Variants in IGF2R observed in about 807,000 individuals in gnomAD.
The protein encoded by IGF2R is cation-independent mannose-6-phosphate receptor.
IGF2R carries 91 observed loss-of-function variants against 270.6 expected under a neutral mutation model. That is an observed-to-expected ratio of 0.34 (90% CI 0.28 to 0.40). The LOEUF is 0.40. IGF2R is among the 10% of genes least tolerant of loss of function. IGF2R has a pLI of 1.00. For synonymous variants in IGF2R, 1,316 were observed against 1,258.9 expected, an observed-to-expected ratio of 1.05 and a Z score of -0.96; for missense variants, 2,805 against 3,188.3, an observed-to-expected ratio of 0.88 and a Z score of 2.90.
intron 1 of IGF2R, among the ~76,000 whole-genome samples, chr6:159,983,827 A>G (rs1783840285): frequency 6.6e-6 from 1 of 152,236 alleles, no homozygotes; most frequent in South Asian, 2.1e-4. Flanking sequence ...TTACATAGAA[A>G]TAGCAAGGAC....
intron 1 of IGF2R, among the ~76,000 whole-genome samples, chr6:159,990,190 T>A (rs1215143366): frequency 1.3e-5 from 2 of 152,346 alleles, no homozygotes; most frequent in East Asian, 1.9e-4. Flanking sequence ...AGGCTATTAC[T>A]ATCTTATATT....
At chr6:160,055,438 C>A (rs1467385892) in intron 19 of IGF2R, among the ~76,000 whole-genome samples, 1 of 152,168 alleles carries the variant, frequency 6.6e-6, no homozygotes, top group Admixed American at 6.5e-5. Flanking sequence ...AATACACTCA[C>A]TGAAGGAAGA....
intron 41 of IGF2R, among the ~76,000 whole-genome samples, chr6:160,086,648 A>G (rs1273943715): frequency 6.6e-6 from 1 of 152,170 alleles, no homozygotes; most frequent in Non-Finnish European, 1.5e-5. Context: ...AATTTTCCGT[A>G]AAACAGTGGA....
chr6:160,069,421 C>T (rs1016038570), intron 30 of IGF2R, among the ~76,000 whole-genome samples: 1 of 152,080 alleles, frequency 6.6e-6, no homozygotes, highest in Non-Finnish European at 1.5e-5. Context: ...TGGCTGTACC[C>T]CTGTGGCATG....
Position 160,076,484 on chromosome 6 carries a change from A to G in IGF2R, c.5316+488A>G, listed in dbSNP as rs150006598. On this transcript the variant is annotated intron_variant, in intron 36 of 47. Transcript: ENST00000356956. ...TCCATTTTATGTGCATTAAAAAAAGAATACCAGCTTCCATTATAATGAGTT... is the reference window on the plus strand; with the variant it reads ...TCCATTTTATGTGCATTAAAAAAAGGATACCAGCTTCCATTATAATGAGTT... 3.3e-5 allele frequency among the ~76,000 whole-genome samples: 5 copies of G among 152,300 alleles called. No individual in the cohort carries two copies. In the East Asian group the frequency reaches 9.7e-4, roughly 29 times the overall value.
chr6:160,040,478 G>C, intron 10 of IGF2R, 82 bp from the exon 11 acceptor site: 1 of 1,230,744 alleles, frequency 8.1e-7, no homozygotes, highest in Non-Finnish European at 1.2e-6. Context: ...CATTGGTCCT[G>C]TTCAGTTTCT....
Position 160,071,853 on chromosome 6 carries a change from T to A in IGF2R, c.4444-57T>A, listed in dbSNP as rs1297589793. ...AGCTTCCACTTGTAAGTTGAAATCA[T>A]GATAGACATGGAGTTTTTGCGTGAT... On this transcript the variant is annotated intron_variant, in intron 31 of 47. Coordinates refer to ENST00000356956, the MANE Select transcript of IGF2R (RefSeq NM_000876.4). The A allele has an allele frequency of 1.9e-6, 3 of 1,595,116 alleles. No homozygotes were observed. In the African/African-American group the frequency reaches 4.0e-5, roughly 21 times the overall value.
At chr6:160,010,655 G>T (rs963229795) in intron 3 of IGF2R, 32 bp from the exon 4 acceptor site, 34 of 1,217,900 alleles carry the variant, frequency 2.8e-5, no homozygotes, top group Non-Finnish European at 4.0e-5. Context: ...GTGTGGTATG[G>T]TAACATTATA....
chr6:160,070,970 G>A lies in IGF2R; in HGVS notation c.4443+912G>A, dbSNP rs187737743. 4.0e-3 allele frequency among the ~76,000 whole-genome samples: 614 copies of A among 152,330 alleles called. 3 individuals carry two copies. Among genetic ancestry groups the A allele is most frequent in the African/African-American group, 0.013 (526 of 41,580 alleles). On this transcript the variant is annotated intron_variant, in intron 31 of 47. Transcript: ENST00000356956. The stretch of plus-strand genomic sequence containing the variant: ...TCTGTGACCTGAGAGGCTCATGGCC[G>A]AGGACAAAAGGGCTGCCCCACATGT...
chr6:159,995,119 TG>T (rs1458556174), intron 2 of IGF2R, among the ~76,000 whole-genome samples: 5 of 152,182 alleles, frequency 3.3e-5, no homozygotes, highest in Admixed American at 2.6e-4. Flanking sequence ...CTGAGTGCTT[TG>T]GTGTGGGGTG....
chr6:160,060,585 G>A lies in IGF2R; in HGVS notation c.3130G>A (p.Asp1044Asn), dbSNP rs867622294. ...TTTTATCGTCCGCTTTGTTTGCAAT[G>A]ATGATGTTTACTCAGGGCCCCTCAA... ...DAFIVRFVCN[D>N]DVYSGPLKFL... Residue 1044 changes from aspartate (D) to asparagine (N), a missense_variant, in exon 23 of 48, where the codon GAT (aspartate) becomes AAT (asparagine). Transcript: ENST00000356956. The A allele has an allele frequency of 6.2e-7, 1 of 1,614,248 alleles. No individual in the cohort carries two copies. The highest frequency in any genetic ancestry group is 1.3e-5 in the African/African-American group (1 of 75,070).
Position 160,050,766 on chromosome 6 carries a change from C to T in IGF2R, c.2694+114C>T. 1.2e-6 allele frequency: 1 copy of T among 866,988 alleles called. No individual in the cohort carries two copies. The allele number at this position is 866,988 out of a possible 1,614,324, so 53.7% of individuals were successfully genotyped here. On this transcript the variant is annotated intron_variant, in intron 19 of 47. Transcript: ENST00000356956. The surrounding 1 kb of genome is among the most constrained non-coding windows in gnomAD (Gnocchi z 4.0). ...GGGTGGGTGGCGGAGCTAGGCCAGTCTTAGTTCTGCTTAAGGTCAGTGTGC... is the reference window on the plus strand; with the variant it reads ...GGGTGGGTGGCGGAGCTAGGCCAGTTTTAGTTCTGCTTAAGGTCAGTGTGC...
chr6:160,103,724 A>C, intron 46 of IGF2R, 22 bp from the exon 47 acceptor site: 1 of 1,584,092 alleles, frequency 6.3e-7, no homozygotes, highest in Non-Finnish European at 8.7e-7. Context: ...TGGAGTAATT[A>C]TTGTCTCCTT....
In IGF2R at chr6:160,046,583, G is replaced by A; in HGVS notation, c.1989G>A (p.Val663=). The change falls in exon 15 of 48, where the codon GTG becomes GTA. Residue 663 remains valine, a synonymous_variant. Transcript: ENST00000356956. The part of the protein sequence containing the change: ...ETKKYDFYIN[V]CGPVSVSPCQ... ...AGAAGTATGACTTTTATATAAATGT[G>A]TGTGGCCCGGTGTCTGTGAGCCCCT... 1 of 1,613,902 alleles carries A rather than the reference G, an allele frequency of 6.2e-7. No homozygotes were observed. The highest frequency in any genetic ancestry group is 8.5e-7 in the Non-Finnish European group (1 of 1,179,990).
chr6:160,030,642 G>A (rs199851288), intron 7 of IGF2R, among the ~76,000 whole-genome samples: 2 of 124,072 alleles, frequency 1.6e-5, no homozygotes, highest in Non-Finnish European at 3.5e-5. Context: ...ATGTTCTCAG[G>A]CGGTAGTGGT....
chr6:160,097,983 G>T (rs369052002), intron 45 of IGF2R, among the ~76,000 whole-genome samples: 3 of 152,112 alleles, frequency 2.0e-5, no homozygotes, highest in Admixed American at 2.0e-4. Flanking sequence ...ATGGTGTTCC[G>T]GTGACGTCAT....
At chr6:160,047,945 C>A in intron 17 of IGF2R, 38 bp downstream of exon 17, 1 of 1,310,744 alleles carries the variant, frequency 7.6e-7, no homozygotes, top group Non-Finnish European at 1.1e-6. Context: ...TGGCCTGGTA[C>A]AGATGCTGAG....
intron 10 of IGF2R, among the ~76,000 whole-genome samples, chr6:160,037,102 C>T (rs918814091): frequency 1.1e-4 from 17 of 152,200 alleles, no homozygotes; most frequent in African/African-American, 3.9e-4. Context: ...ATCACCCCAC[C>T]CTGATGCCAA....
intron 4 of IGF2R, among the ~76,000 whole-genome samples, chr6:160,021,191 A>G (rs1777424966): frequency 6.6e-6 from 1 of 152,084 alleles, no homozygotes; most frequent in Admixed American, 6.5e-5. Context: ...GAATCTCCTA[A>G]ACATACTCCA....
Sources: allele counts gnomAD v4.1 joint callset (sites outside exome capture counted in the v4.1 genomes callset), GRCh38; gene constraint gnomAD v4.1.1; non-coding constraint Gnocchi (gnomAD v3.1); transcripts MANE v1.5; gene names NCBI Gene and HGNC (gene_info 2026-07-23, HGNC 2026-07-21).